The following PARD3 variants were observed in gnomAD, a reference collection of about 807,000 sequenced individuals.
The protein encoded by PARD3 is partitioning defective 3 homolog.
In PARD3, 75 loss-of-function variants were observed where a neutral mutation model predicts 155.4. That is an observed-to-expected ratio of 0.48 (90% CI 0.40 to 0.58). PARD3 has a LOEUF of 0.58. Ranked by LOEUF, PARD3 falls within the 20% of genes least tolerant of loss-of-function variation. The probability of loss-of-function intolerance (pLI) is 0.00; values close to 1 mark genes in which losing one functional copy is unlikely to be tolerated. For missense variants in PARD3, 1,642 were observed against 1,721.7 expected (o/e 0.95, Z 0.82); for synonymous variants, 576 against 610.5 (o/e 0.94, Z 0.83).
At chr10:34,717,580 A>G (rs2094539483) in intron 1 of PARD3, among the ~76,000 whole-genome samples, 2 of 152,244 alleles carry the variant, frequency 1.3e-5, no homozygotes, top group Admixed American at 6.5e-5. Flanking sequence ...TGCTGGAAAC[A>G]CCATAAGCAA....
intron 1 of PARD3, among the ~76,000 whole-genome samples, chr10:34,746,316 G>C (rs1446493802): frequency 6.6e-6 from 1 of 151,724 alleles, no homozygotes; most frequent in African/African-American, 2.4e-5. Context: ...GGGCATGGCA[G>C]CACACACCTA....
chr10:34,532,780 TTCTAAC>T (rs966293900), intron 2 of PARD3, among the ~76,000 whole-genome samples: 2 of 152,244 alleles, frequency 1.3e-5, no homozygotes, highest in Admixed American at 6.5e-5. Flanking sequence ...TCTGAATATC[TTCTAAC>T]TCTATTTTTA....
chr10:34,111,375 G>A lies in PARD3; in HGVS notation c.3856C>T (p.Gln1286Ter). 6.2e-7 allele frequency: 1 copy of A among 1,614,098 alleles called. No homozygotes were observed. The highest frequency in any genetic ancestry group is 2.2e-5 in the East Asian group (1 of 44,856). Reference protein sequence around the residue: ...VMLETQELLRQEQRRKEQQMK... With the variant: ...VMLETQELLR ...TGCTGCTCCTTCCGCCTCTGTTCCTGGCGAAGGAGCTCCTGAGTTTCCAGC... is the reference window on the plus strand; with the variant it reads ...TGCTGCTCCTTCCGCCTCTGTTCCTAGCGAAGGAGCTCCTGAGTTTCCAGC... Residue 1286 changes from glutamine (Q) to a stop codon, truncating the protein, a stop_gained, in exon 25 of 25, where the codon CAG becomes TAG. Coordinates refer to ENST00000374788, the MANE Select transcript of PARD3 (RefSeq NM_001184785.2). LOFTEE classifies it high-confidence loss of function.
At chr10:34,639,105 C>A (rs900680456) in intron 2 of PARD3, among the ~76,000 whole-genome samples, 3 of 152,030 alleles carry the variant, frequency 2.0e-5, no homozygotes, top group African/African-American at 7.2e-5. Context: ...AAAGATGATA[C>A]CAAATTACAC....
intron 19 of PARD3, among the ~76,000 whole-genome samples, chr10:34,324,661 G>T (rs1217126984): frequency 1.3e-5 from 2 of 152,168 alleles, no homozygotes; most frequent in African/African-American, 2.4e-5. Context: ...TAAGGGGTGA[G>T]ATTAGATTAC....
chr10:34,487,546 A>C (rs533149905), intron 3 of PARD3, among the ~76,000 whole-genome samples: 1 of 151,962 alleles, frequency 6.6e-6, no homozygotes, highest in East Asian at 1.9e-4. Context: ...CCCAGAGAAC[A>C]AAAAAAAGGG....
Position 34,577,504 on chromosome 10 carries a change from G to A in PARD3, c.223-60345C>T, listed in dbSNP as rs150576162. The stretch of plus-strand genomic sequence containing the variant: ...TCAAAATTTAGAAATGTTTCAAACC[G>A]CTGGACACTCAGCTGAAGGCAACAC... On this transcript the variant is annotated intron_variant, in intron 2 of 24. Transcript: ENST00000374788. Among the ~76,000 whole-genome samples the A allele has an allele frequency of 6.0e-4, 91 of 152,270 alleles. 1 individual carries two copies. In the South Asian group the frequency reaches 0.019, roughly 31 times the overall value.
At chr10:34,400,970 G>A (rs1308859153) in intron 6 of PARD3, among the ~76,000 whole-genome samples, 1 of 152,010 alleles carries the variant, frequency 6.6e-6, no homozygotes, top group East Asian at 1.9e-4. Context: ...CAGAACTATG[G>A]CATGGCAAGT....
chr10:34,390,914 A>T (rs1842816627), intron 7 of PARD3, among the ~76,000 whole-genome samples: 1 of 152,234 alleles, frequency 6.6e-6, no homozygotes, highest in African/African-American at 2.4e-5. Flanking sequence ...TTCCAGCGAA[A>T]CAAAAAGAAA....
At chr10:34,602,746 A>G (rs1010208976) in intron 2 of PARD3, among the ~76,000 whole-genome samples, 2 of 152,220 alleles carry the variant, frequency 1.3e-5, no homozygotes, top group Admixed American at 6.5e-5. Flanking sequence ...GCCACAGGCG[A>G]GCCTTCTGGA....
At chr10:34,763,359 G>A (rs1210519188) in intron 1 of PARD3, among the ~76,000 whole-genome samples, 4 of 152,172 alleles carry the variant, frequency 2.6e-5, no homozygotes, top group African/African-American at 9.7e-5. Context: ...CACTATTTTT[G>A]AAGAGCTGAG....
rs12356003 is a variant in PARD3 at position 34,815,262 on chromosome 10, G to T, written c.-267C>A. ...AGCCTCCGGCCACCTGTTCGGCGTC[G>T]CGGCGCGCTCGCCGGCGGCTGCCCG... On this transcript the variant is annotated 5_prime_UTR_variant, in exon 1 of 25. Transcript: ENST00000374788. 132,648 of 151,962 alleles carry T rather than the reference G, an allele frequency of 0.87. 57,962 individuals are homozygous for T. The highest frequency in any genetic ancestry group is 0.93 in the Middle Eastern group (289 of 310). The allele number at this position is 151,962 out of a possible 1,614,324, so 9.4% of individuals were successfully genotyped here. A position where few individuals can be genotyped will look rare whatever the true frequency, so the allele number is the denominator to read the frequency against.
chr10:34,735,770 G>A (rs757051464), intron 1 of PARD3, among the ~76,000 whole-genome samples: 14 of 152,056 alleles, frequency 9.2e-5, no homozygotes, highest in Non-Finnish European at 1.9e-4. Flanking sequence ...AGTAAGTGGC[G>A]GATATCAGTA....
chr10:34,288,972 C>T (rs1447187203), intron 20 of PARD3, among the ~76,000 whole-genome samples: 1 of 152,086 alleles, frequency 6.6e-6, no homozygotes, highest in Non-Finnish European at 1.5e-5. Context: ...GAACGACCTT[C>T]TTTTTTGGAG....
chr10:34,518,814 A>G (rs2081947969), intron 2 of PARD3, among the ~76,000 whole-genome samples: 2 of 152,200 alleles, frequency 1.3e-5, no homozygotes, highest in South Asian at 2.1e-4. Flanking sequence ...TAATAACAGG[A>G]TATTTGCATA....
At chr10:34,679,866 A>G (rs12267581) in intron 2 of PARD3, among the ~76,000 whole-genome samples, 3,111 of 152,234 alleles carry the variant, frequency 0.02, 106 homozygotes, top group African/African-American at 0.071. Context: ...TTTCACTTAC[A>G]AGTGGAAGCC....
intron 2 of PARD3, among the ~76,000 whole-genome samples, chr10:34,587,722 C>A (rs987979637): frequency 1.3e-5 from 2 of 152,088 alleles, no homozygotes; most frequent in African/African-American, 2.4e-5. Context: ...TGCTAATGCT[C>A]CTCCATGCTC....
At chr10:34,606,708 G>A (rs1376273564) in intron 2 of PARD3, among the ~76,000 whole-genome samples, 5 of 150,000 alleles carry the variant, frequency 3.3e-5, no homozygotes, top group East Asian at 2.0e-4. Context: ...GGTGGCTCAC[G>A]CCTGTAATCC....
chr10:34,370,252 T>G (rs1184222861), intron 12 of PARD3, among the ~76,000 whole-genome samples: 4 of 152,172 alleles, frequency 2.6e-5, no homozygotes, highest in Non-Finnish European at 1.5e-5. Flanking sequence ...TATATATGAC[T>G]TCCTTTTTTA....
Sources: gnomAD v4.1 joint callset for allele counts (sites outside exome capture counted in the v4.1 genomes callset) on GRCh38, gnomAD v4.1.1 for gene constraint, MANE v1.5 for transcripts, NCBI Gene and HGNC (gene_info 2026-07-23, HGNC 2026-07-21) for gene names.